DOCK9: variants seen among roughly 807,000 people sequenced by gnomAD.
The protein encoded by DOCK9 is dedicator of cytokinesis protein 9.
A neutral mutation model predicts 263.3 loss-of-function variants in DOCK9; 89 were observed. That is an observed-to-expected ratio of 0.34 (90% CI 0.28 to 0.40). DOCK9 has a LOEUF of 0.40. Ranked by LOEUF, DOCK9 falls within the 10% of genes least tolerant of loss-of-function variation. The probability of loss-of-function intolerance (pLI) is 1.00; values close to 1 mark genes in which losing one functional copy is unlikely to be tolerated. For synonymous variants in DOCK9, 976 were observed against 973.1 expected, an observed-to-expected ratio of 1.00 and a Z score of -0.06; for missense variants, 2,140 against 2,603.4, an observed-to-expected ratio of 0.82 and a Z score of 3.87.
intron 32 of DOCK9, among the ~76,000 whole-genome samples, chr13:98,861,496 C>T (rs2093869726): frequency 6.6e-6 from 1 of 152,044 alleles, no homozygotes; most frequent in African/African-American, 2.4e-5. Flanking sequence ...CCTCTGAGGC[C>T]AAGAAGAGAG....
At chr13:98,826,476 C>T (rs1056670667) in intron 44 of DOCK9, among the ~76,000 whole-genome samples, 1 of 152,186 alleles carries the variant, frequency 6.6e-6, no homozygotes, top group Non-Finnish European at 1.5e-5. Context: ...GATAATCTCC[C>T]GTTACAACTT....
At chr13:98,887,144 T>TATATATATATATATATATATATA (rs869233120) in intron 18 of DOCK9, among the ~76,000 whole-genome samples, 19 of 26,620 alleles carry the variant, frequency 7.1e-4, no homozygotes, top group African/African-American at 2.2e-3. Flanking sequence ...TATATATATA[T>TATATATATATATATATATATATA]TTTTTTTTTT....
intron 1 of DOCK9, among the ~76,000 whole-genome samples, chr13:98,995,613 C>T (rs1315253263): frequency 6.6e-6 from 1 of 151,578 alleles, no homozygotes; most frequent in Admixed American, 6.6e-5. Context: ...CTCAGCCTCC[C>T]GAGTAGCTGG....
intron 13 of DOCK9, among the ~76,000 whole-genome samples, chr13:98,900,889 T>C (rs149624468): frequency 6.6e-6 from 1 of 152,314 alleles, no homozygotes; most frequent in African/African-American, 2.4e-5. Context: ...AAGCTCTGAA[T>C]CCAACTTAGT....
intron 1 of DOCK9, among the ~76,000 whole-genome samples, chr13:98,988,787 A>C (rs1879057743): frequency 6.6e-6 from 1 of 152,204 alleles, no homozygotes; most frequent in Non-Finnish European, 1.5e-5. Context: ...GAAGCTCCTC[A>C]TGGTTGAAAA....
intron 25 of DOCK9, 23 bp from the exon 26 acceptor site, chr13:98,880,695 C>T (rs772440915): frequency 8.7e-6 from 14 of 1,609,436 alleles, no homozygotes; most frequent in African/African-American, 1.3e-5. Context: ...GAGAAAGAGA[C>T]TTTAATGCAC....
At chr13:99,018,354 A>G (rs1885677851) in intron 1 of DOCK9, among the ~76,000 whole-genome samples, 1 of 152,060 alleles carries the variant, frequency 6.6e-6, no homozygotes, top group Non-Finnish European at 1.5e-5. Context: ...TTCACCTTCC[A>G]CCACAGGATG....
At chr13:99,042,824 A>G (rs79305615) in intron 1 of DOCK9, among the ~76,000 whole-genome samples, 2,405 of 152,306 alleles carry the variant, frequency 0.016, 65 homozygotes, top group African/African-American at 0.054. Context: ...AAAGCCCTCT[A>G]GCATCAAACT....
intron 1 of DOCK9, among the ~76,000 whole-genome samples, chr13:98,957,428 C>T (rs2058178897): frequency 3.3e-5 from 5 of 151,778 alleles, no homozygotes. Context: ...AAGCAATGAC[C>T]AAACAAGTAC....
At chr13:98,994,228 C>T (rs1410870449) in intron 1 of DOCK9, among the ~76,000 whole-genome samples, 4 of 152,372 alleles carry the variant, frequency 2.6e-5, no homozygotes, top group South Asian at 4.1e-4. Context: ...GTTCTGCCCA[C>T]TTGGGCTTGT....
intron 1 of DOCK9, among the ~76,000 whole-genome samples, chr13:98,976,019 C>G (rs912749091): frequency 6.6e-6 from 1 of 152,250 alleles, no homozygotes; most frequent in Non-Finnish European, 1.5e-5. Context: ...GATCTGCCCT[C>G]GGCAAAGGCC....
intron 15 of DOCK9, among the ~76,000 whole-genome samples, chr13:98,891,093 C>T (rs1397508623): frequency 6.6e-6 from 1 of 152,142 alleles, no homozygotes; most frequent in African/African-American, 2.4e-5. Context: ...ACACAAGATC[C>T]TTTCCTGTTG....
At position 98,867,922 on chromosome 13, in the gene DOCK9, C is replaced by T. The variant is rs765379000; in HGVS notation, c.3174+6G>A. The T allele has an allele frequency of 2.5e-5, 41 of 1,612,780 alleles. 1 individual carries two copies. Among genetic ancestry groups the T allele is most frequent in the Middle Eastern group, 3.3e-4 (2 of 6,058 alleles). ...CTTCTGTTACCAGTAACAACCCCCGCACTACCTTTGGGTCTCCAGGAGCAA... is the reference window on the plus strand; with the variant it reads ...CTTCTGTTACCAGTAACAACCCCCGTACTACCTTTGGGTCTCCAGGAGCAA... On this transcript the variant is annotated splice_donor_region_variant and intron_variant, in intron 29 of 52. Coordinates refer to ENST00000682017, the MANE Select transcript of DOCK9 (RefSeq NM_001366683.2).
intron 9 of DOCK9, among the ~76,000 whole-genome samples, chr13:98,911,372 A>G (rs982381240): frequency 6.6e-6 from 1 of 152,192 alleles, no homozygotes; most frequent in Non-Finnish European, 1.5e-5. Context: ...AATTATCCTG[A>G]TTTGATCATC....
intron 30 of DOCK9, among the ~76,000 whole-genome samples, chr13:98,866,752 C>T (rs991477292): frequency 3.3e-5 from 5 of 152,090 alleles, no homozygotes; most frequent in Admixed American, 2.6e-4. Context: ...CCACTATGGA[C>T]AAGGGCTATG....
intron 4 of DOCK9, 59 bp downstream of exon 4, chr13:98,925,777 TC>T: frequency 2.5e-6 from 3 of 1,177,490 alleles, no homozygotes; most frequent in Admixed American, 2.6e-5. Context: ...GTTACATACC[TC>T]CCCCCAAGCA....
At chr13:99,011,997 A>AT (rs1188398703) in intron 1 of DOCK9, among the ~76,000 whole-genome samples, 1 of 151,946 alleles carries the variant, frequency 6.6e-6, no homozygotes, top group Non-Finnish European at 1.5e-5. Flanking sequence ...TAATCTTTGT[A>AT]TTTTTTGTAC....
chr13:98,905,521 G>C (rs1441862925), intron 9 of DOCK9, among the ~76,000 whole-genome samples: 1 of 152,124 alleles, frequency 6.6e-6, no homozygotes, highest in Admixed American at 6.5e-5. Flanking sequence ...GGCACAGCAG[G>C]TGCAAAGGGA....
chr13:98,892,114 A>G (rs1244649106), intron 15 of DOCK9, among the ~76,000 whole-genome samples: 3 of 152,204 alleles, frequency 2.0e-5, no homozygotes, highest in Middle Eastern at 3.2e-3. Context: ...AATTACACGA[A>G]TTAAGTAAGC....
Sources: gnomAD v4.1 joint callset for allele counts (sites outside exome capture counted in the v4.1 genomes callset) on GRCh38, gnomAD v4.1.1 for gene constraint, MANE v1.5 for transcripts, NCBI Gene and HGNC (gene_info 2026-07-23, HGNC 2026-07-21) for gene names.